Variants in NLGN1 observed in about 807,000 individuals in gnomAD.
NLGN1 encodes the protein neuroligin-1.
Under a neutral mutation model 65.5 loss-of-function variants are expected in NLGN1, and 12 were observed. That is an observed-to-expected ratio of 0.18 (90% CI 0.12 to 0.30). The LOEUF (loss-of-function observed/expected upper bound fraction) is 0.30, where lower values mean the gene tolerates loss of function less well. Ranked by LOEUF, NLGN1 falls within the 10% of genes least tolerant of loss-of-function variation. The pLI is 1.00. For missense variants in NLGN1, 750 were observed against 1,007.1 expected (o/e 0.74, Z 3.46); for synonymous variants, 350 against 359.5 (o/e 0.97, Z 0.30).
intron 4 of NLGN1, among the ~76,000 whole-genome samples, chr3:174,105,694 T>C (rs1713581053): frequency 3.9e-5 from 6 of 152,028 alleles, no homozygotes; most frequent in Admixed American, 3.9e-4. Flanking sequence ...TATGTAGATA[T>C]AGATATCTAT....
chr3:173,854,074 T>A (rs1030216950), intron 4 of NLGN1, among the ~76,000 whole-genome samples: 19 of 152,012 alleles, frequency 1.2e-4, no homozygotes, highest in Non-Finnish European at 2.4e-4. Context: ...AATTCAAACA[T>A]CAATCCCTCA....
intron 3 of NLGN1, among the ~76,000 whole-genome samples, chr3:173,716,831 A>C (rs1769934553): frequency 1.3e-5 from 2 of 152,090 alleles, no homozygotes; most frequent in Admixed American, 1.3e-4. Flanking sequence ...TATTGTTCCA[A>C]GGTGAATATT....
chr3:173,475,978 A>G (rs974308086), intron 2 of NLGN1, among the ~76,000 whole-genome samples: 1 of 152,190 alleles, frequency 6.6e-6, no homozygotes, highest in Non-Finnish European at 1.5e-5. Context: ...TTCTTCTTTA[A>G]GAAATTATTG....
chr3:174,176,728 T>C (rs1308612531), intron 4 of NLGN1, among the ~76,000 whole-genome samples: 1 of 152,062 alleles, frequency 6.6e-6, no homozygotes, highest in Non-Finnish European at 1.5e-5. Context: ...TTAATTGAAC[T>C]CAAAAATCAA....
At position 173,665,328 on chromosome 3, in the gene NLGN1, G is replaced by A. The variant is rs2010738; in HGVS notation, c.493+60237G>A. Reference sequence around the variant, plus strand: ...TTCCTGCCGCCATGTGAAGAAGGACGTAGTTGCTTCCCCTTCCTTCATGAT... The same window carrying A: ...TTCCTGCCGCCATGTGAAGAAGGACATAGTTGCTTCCCCTTCCTTCATGAT... On this transcript the variant is annotated intron_variant, in intron 3 of 6. Transcript: ENST00000457714. 9.9e-3 allele frequency among the ~76,000 whole-genome samples: 1,507 copies of A among 152,176 alleles called. 31 individuals are homozygous for A. The highest frequency in any genetic ancestry group is 0.035 in the African/African-American group (1,440 of 41,532).
intron 2 of NLGN1, among the ~76,000 whole-genome samples, chr3:173,474,882 C>T (rs1035644433): frequency 7.9e-5 from 12 of 151,836 alleles, no homozygotes; most frequent in Admixed American, 6.6e-4. Context: ...TGCTTGAACC[C>T]GGGAGGCAGA....
chr3:174,046,606 A>C (rs1233459641), intron 4 of NLGN1, among the ~76,000 whole-genome samples: 1 of 152,162 alleles, frequency 6.6e-6, no homozygotes, highest in Non-Finnish European at 1.5e-5. Context: ...AGAAGGAATA[A>C]AGATAACAAT....
chr3:173,580,760 C>T (rs1417683345), intron 2 of NLGN1, among the ~76,000 whole-genome samples: 1 of 151,966 alleles, frequency 6.6e-6, no homozygotes, highest in African/African-American at 2.4e-5. Flanking sequence ...CTTAAACATA[C>T]TGAAAAATGA....
At chr3:173,853,566 A>C (rs927594943) in intron 4 of NLGN1, among the ~76,000 whole-genome samples, 1 of 152,144 alleles carries the variant, frequency 6.6e-6, no homozygotes, top group Admixed American at 6.5e-5. Context: ...TATATTTATA[A>C]TGTAGTATTA....
chr3:174,141,603 G>A (rs761880803), intron 4 of NLGN1, among the ~76,000 whole-genome samples: 3 of 152,150 alleles, frequency 2.0e-5, no homozygotes, highest in Non-Finnish European at 4.4e-5. Context: ...AGCTATATTT[G>A]TAATAAATAT....
intron 2 of NLGN1, among the ~76,000 whole-genome samples, chr3:173,455,126 T>A (rs753459533): frequency 2.4e-4 from 36 of 152,194 alleles, no homozygotes; most frequent in Non-Finnish European, 4.9e-4. Flanking sequence ...AAGATCACAG[T>A]GTCAGCCCAT....
chr3:173,713,359 C>T (rs539496350), intron 3 of NLGN1, among the ~76,000 whole-genome samples: 10 of 152,114 alleles, frequency 6.6e-5, no homozygotes, highest in Non-Finnish European at 1.3e-4. Context: ...CTTCATAACT[C>T]GTTCTTTTGT....
intron 4 of NLGN1, among the ~76,000 whole-genome samples, chr3:173,975,564 A>T (rs1232489083): frequency 4.6e-5 from 7 of 152,028 alleles, no homozygotes; most frequent in African/African-American, 1.7e-4. Context: ...AAAGATGAGT[A>T]TAGAATCTCT....
chr3:174,046,667 A>C (rs1733675015), intron 4 of NLGN1, among the ~76,000 whole-genome samples: 1 of 152,174 alleles, frequency 6.6e-6, no homozygotes, highest in South Asian at 2.1e-4. Context: ...GGAAGTATAG[A>C]AGAATAGATT....
intron 4 of NLGN1, among the ~76,000 whole-genome samples, chr3:173,998,468 A>G (rs1256800569): frequency 6.6e-6 from 1 of 152,212 alleles, no homozygotes; most frequent in African/African-American, 2.4e-5. Context: ...AAACAATAAA[A>G]TGTACCTTCA....
chr3:174,289,943 G>GTA (rs1356159042), downstream of NLGN1, among the ~76,000 whole-genome samples: 3 of 69,960 alleles, frequency 4.3e-5, no homozygotes, highest in East Asian at 9.3e-4. Context: ...ATATATGTAT[G>GTA]TATATATATG....
chr3:173,510,730 T>C (rs964095836), intron 2 of NLGN1, among the ~76,000 whole-genome samples: 8 of 152,156 alleles, frequency 5.3e-5, no homozygotes, highest in Admixed American at 3.9e-4. Context: ...AAGAAACTCA[T>C]CTTGTTCACT....
intron 2 of NLGN1, among the ~76,000 whole-genome samples, chr3:173,537,172 T>C (rs1346930777): frequency 6.6e-6 from 1 of 152,196 alleles, no homozygotes; most frequent in Non-Finnish European, 1.5e-5. Context: ...GGGCACCTCA[T>C]GGCTCAGTCA....
intron 4 of NLGN1, among the ~76,000 whole-genome samples, chr3:174,029,984 G>A (rs978598113): frequency 2.0e-5 from 3 of 152,166 alleles, no homozygotes; most frequent in African/African-American, 7.2e-5. Flanking sequence ...TTTATTAGCA[G>A]TGGGAGAACA....
Sources: allele counts gnomAD v4.1 joint callset (sites outside exome capture counted in the v4.1 genomes callset), GRCh38; gene constraint gnomAD v4.1.1; transcripts MANE v1.5; gene names NCBI Gene and HGNC (gene_info 2026-07-23, HGNC 2026-07-21).